Variants in CADM1 observed in about 807,000 individuals in gnomAD.
CADM1 encodes the protein TSLC-1.
In CADM1, 15 loss-of-function variants were observed where a neutral mutation model predicts 53.1. That is an observed-to-expected ratio of 0.28 (90% CI 0.19 to 0.44). The LOEUF (loss-of-function observed/expected upper bound fraction) is 0.44. Among genes scored for constraint, CADM1 ranks in the 20% least tolerant of loss-of-function variants. CADM1 has a pLI of 1.00. For synonymous variants in CADM1, 281 were observed against 243.0 expected, an observed-to-expected ratio of 1.16 and a Z score of -1.45; for missense variants, 434 against 611.3, an observed-to-expected ratio of 0.71 and a Z score of 3.06.
chr11:115,428,021 A>AG lies in CADM1; in HGVS notation c.124+76249_124+76250insC, dbSNP rs1239656585. Among the ~76,000 whole-genome samples, 64 of 149,588 alleles carry AG rather than the reference A, an allele frequency of 4.3e-4. 1 individual carries two copies. Among genetic ancestry groups the AG allele is most frequent in the South Asian group, 3.1e-3 (15 of 4,782 alleles). On this transcript the variant is annotated intron_variant, in intron 1 of 11. Coordinates refer to ENST00000331581, the MANE Select transcript of CADM1 (RefSeq NM_001301043.2). Reference sequence around the variant, plus strand: ...ACTCCATCTCAAAAAAAAAAAAAAAAAAAAAAAAAAGAATGTAATTAAAGG... The same window carrying AG: ...ACTCCATCTCAAAAAAAAAAAAAAAAGAAAAAAAAAAGAATGTAATTAAAGG...
intron 1 of CADM1, among the ~76,000 whole-genome samples, chr11:115,391,410 G>A (rs1946832468): frequency 6.6e-6 from 1 of 152,168 alleles, no homozygotes; most frequent in African/African-American, 2.4e-5. Context: ...TCTAAAATGT[G>A]AATGGCCGTG....
rs905708241 is a variant in CADM1 at position 115,174,927 on chromosome 11, G to A, written c.*1547C>T. 8 of 985,400 alleles carry A rather than the reference G, an allele frequency of 8.1e-6. No homozygotes were observed. The African/African-American group carries it at 1.4e-4, about 17-fold the overall frequency. The allele number at this position is 985,400 out of a possible 1,614,324, so 61.0% of individuals were successfully genotyped here. The stretch of plus-strand genomic sequence containing the variant: ...ACTTCTTTCTTTAAAACATGTAAAT[G>A]GTAACGTGACTCCTCTACCTTTTCC... On this transcript the variant is annotated 3_prime_UTR_variant, in exon 12 of 12. Transcript: ENST00000331581.
At chr11:115,392,744 C>T (rs1454371012) in intron 1 of CADM1, among the ~76,000 whole-genome samples, 2 of 151,992 alleles carry the variant, frequency 1.3e-5, no homozygotes, top group East Asian at 1.9e-4. Flanking sequence ...ATCAAGACAA[C>T]CATTATCTGA....
chr11:115,367,343 G>C (rs938932386), intron 1 of CADM1, among the ~76,000 whole-genome samples: 18 of 152,188 alleles, frequency 1.2e-4, no homozygotes, highest in Non-Finnish European at 2.4e-4. Context: ...TATTTTCTCT[G>C]AGAAAGGTAT....
chr11:115,388,696 A>C (rs1946761548), intron 1 of CADM1, among the ~76,000 whole-genome samples: 1 of 152,122 alleles, frequency 6.6e-6, no homozygotes, highest in African/African-American at 2.4e-5. Flanking sequence ...TCAAACTCAA[A>C]ACTTTTTTAC....
intron 1 of CADM1, among the ~76,000 whole-genome samples, chr11:115,248,349 C>G (rs1369817170): frequency 6.6e-6 from 1 of 152,082 alleles, no homozygotes; most frequent in Non-Finnish European, 1.5e-5. Flanking sequence ...AGACTGAGCT[C>G]AATATGACTT....
intron 8 of CADM1, among the ~76,000 whole-genome samples, chr11:115,201,390 A>G (rs1466046972): frequency 6.6e-6 from 1 of 152,232 alleles, no homozygotes; most frequent in Non-Finnish European, 1.5e-5. Context: ...GCAGGAGACC[A>G]CGATGACAGA....
intron 1 of CADM1, among the ~76,000 whole-genome samples, chr11:115,401,887 A>G (rs1161615049): frequency 6.6e-6 from 1 of 152,144 alleles, no homozygotes; most frequent in Non-Finnish European, 1.5e-5. Flanking sequence ...AAGGCTATGC[A>G]TGTATGGGGA....
intron 1 of CADM1, among the ~76,000 whole-genome samples, chr11:115,266,921 G>A (rs11823930): frequency 0.12 from 17,709 of 152,240 alleles, 1,750 homozygotes; most frequent in East Asian, 0.36. Flanking sequence ...TGTTTTAACC[G>A]TGATGTGATA....
At chr11:115,300,915 G>T (rs1214451572) in intron 1 of CADM1, among the ~76,000 whole-genome samples, 1 of 152,048 alleles carries the variant, frequency 6.6e-6, no homozygotes, top group Non-Finnish European at 1.5e-5. Flanking sequence ...GTTCCGAGGA[G>T]AAGGGAGTTT....
intron 1 of CADM1, among the ~76,000 whole-genome samples, chr11:115,283,406 C>G (rs1408804261): frequency 6.6e-6 from 1 of 152,126 alleles, no homozygotes; most frequent in Non-Finnish European, 1.5e-5. Flanking sequence ...AAACAAGGTT[C>G]AGAGGCCAGC....
At chr11:115,501,861 G>C (rs2135448149) in intron 1 of CADM1, among the ~76,000 whole-genome samples, 1 of 152,152 alleles carries the variant, frequency 6.6e-6, no homozygotes, top group South Asian at 2.1e-4. Flanking sequence ...CTGGGGTATG[G>C]GACCCCGGAA....
intron 1 of CADM1, among the ~76,000 whole-genome samples, chr11:115,487,184 T>A (rs1949393054): frequency 6.6e-6 from 1 of 152,228 alleles, no homozygotes; most frequent in Admixed American, 6.5e-5. Context: ...AAACACTTTT[T>A]TCAAAGAGAA....
intron 1 of CADM1, among the ~76,000 whole-genome samples, chr11:115,452,878 A>G (rs1948604719): frequency 6.6e-6 from 1 of 152,194 alleles, no homozygotes; most frequent in Non-Finnish European, 1.5e-5. Context: ...TTTAAGGAGA[A>G]AGGGTGGGAG....
At chr11:115,463,873 C>T (rs867591364) in intron 1 of CADM1, among the ~76,000 whole-genome samples, 25 of 130,280 alleles carry the variant, frequency 1.9e-4, no homozygotes, top group Middle Eastern at 8.5e-3. Context: ...GGGCCGGGGG[C>T]GGGGTGCAGC....
At chr11:115,346,714 G>A (rs1289428816) in intron 1 of CADM1, among the ~76,000 whole-genome samples, 1 of 152,092 alleles carries the variant, frequency 6.6e-6, no homozygotes, top group Non-Finnish European at 1.5e-5. Flanking sequence ...CAAGCCAAAG[G>A]GTCACCGGCT....
intron 1 of CADM1, among the ~76,000 whole-genome samples, chr11:115,274,291 C>T (rs1056093684): frequency 3.3e-5 from 5 of 152,204 alleles, no homozygotes; most frequent in African/African-American, 9.7e-5. Context: ...CTCTGAATCA[C>T]GGAATGGCAC....
Position 115,292,814 on chromosome 11 carries a change from A to G in CADM1, c.125-52394T>C, listed in dbSNP as rs369666518. On this transcript the variant is annotated intron_variant, in intron 1 of 11. Coordinates refer to ENST00000331581, the MANE Select transcript of CADM1 (RefSeq NM_001301043.2). ...AAGCTTGGCAACCAGTGTCTTTTCC[A>G]CTATCCTGAAGCAGGATTAACATTT... 8.5e-5 allele frequency among the ~76,000 whole-genome samples: 13 copies of G among 152,332 alleles called. No homozygotes were observed. The East Asian group carries it at 2.5e-3, about 29-fold the overall frequency.
chr11:115,314,077 T>C (rs186435255), intron 1 of CADM1, among the ~76,000 whole-genome samples: 1 of 152,290 alleles, frequency 6.6e-6, no homozygotes, highest in Non-Finnish European at 1.5e-5. Flanking sequence ...TGACTAGTCA[T>C]GAGTGACCAT....
Sources: allele counts gnomAD v4.1 joint callset (sites outside exome capture counted in the v4.1 genomes callset), GRCh38; gene constraint gnomAD v4.1.1; transcripts MANE v1.5; gene names NCBI Gene and HGNC (gene_info 2026-07-23, HGNC 2026-07-21).